Variants in PTPRQ observed in about 807,000 individuals in gnomAD.
PTPRQ encodes phosphatidylinositol phosphatase PTPRQ.
A neutral mutation model predicts 246.0 loss-of-function variants in PTPRQ; 199 were observed. The ratio of observed to expected loss-of-function variants is 0.81; its 90% CI spans 0.72 to 0.91. The LOEUF is 0.91. PTPRQ is among the 40% of genes least tolerant of loss of function. PTPRQ has a pLI of 0.00. For synonymous variants in PTPRQ, 869 were observed against 853.2 expected (o/e 1.02, Z -0.32); for missense variants, 2,624 against 2,528.4 (o/e 1.04, Z -0.81).
intron 39 of PTPRQ, among the ~76,000 whole-genome samples, chr12:80,667,399 A>T (rs1243909029): frequency 6.6e-6 from 1 of 151,942 alleles, no homozygotes; most frequent in Non-Finnish European, 1.5e-5. Context: ...TGAAGTATTT[A>T]TTTTTTCTGA....
chr12:80,595,066 TG>T (rs1897924352), intron 26 of PTPRQ, among the ~76,000 whole-genome samples: 1 of 152,326 alleles, frequency 6.6e-6, no homozygotes, highest in Admixed American at 6.5e-5. Flanking sequence ...CCAGAATCTT[TG>T]CTATTCTTTC....
intron 33 of PTPRQ, among the ~76,000 whole-genome samples, chr12:80,624,603 G>A (rs532124601): frequency 6.6e-6 from 1 of 152,174 alleles, no homozygotes. Context: ...TCAATGACTA[G>A]CAAAGCAGCC....
chr12:80,468,042 G>C (rs1244392043), intron 6 of PTPRQ, among the ~76,000 whole-genome samples: 1 of 148,208 alleles, frequency 6.7e-6, no homozygotes, highest in Non-Finnish European at 1.5e-5. Context: ...ATTTCATAAG[G>C]GTCATACAAG....
At chr12:80,451,150 T>G (rs1218189238) in intron 3 of PTPRQ, among the ~76,000 whole-genome samples, 2 of 152,194 alleles carry the variant, frequency 1.3e-5, no homozygotes, top group African/African-American at 4.8e-5. Context: ...TTCTAGATTT[T>G]CTAGTTTATT....
intron 25 of PTPRQ, among the ~76,000 whole-genome samples, chr12:80,571,741 A>G (rs1897151934): frequency 6.6e-6 from 1 of 152,112 alleles, no homozygotes; most frequent in Admixed American, 6.5e-5. Context: ...TACATTTATC[A>G]AAACATTTAA....
intron 29 of PTPRQ, among the ~76,000 whole-genome samples, chr12:80,615,217 A>C (rs552218044): frequency 2.6e-5 from 4 of 151,006 alleles, no homozygotes; most frequent in Non-Finnish European, 5.9e-5. Context: ...TTGAATTTAC[A>C]AACTCAAATA....
At chr12:80,499,021 G>T (rs113605256) in intron 14 of PTPRQ, among the ~76,000 whole-genome samples, 1 of 152,128 alleles carries the variant, frequency 6.6e-6, no homozygotes, top group African/African-American at 2.4e-5. Context: ...ATTTTGGAAA[G>T]TGTCTTAGAA....
chr12:80,673,550 G>A (rs1196504276), intron 43 of PTPRQ, among the ~76,000 whole-genome samples: 4 of 152,092 alleles, frequency 2.6e-5, no homozygotes, highest in East Asian at 1.9e-4. Flanking sequence ...ATACTGATAG[G>A]CATGTAGGCA....
intron 24 of PTPRQ, among the ~76,000 whole-genome samples, 176 bp from the exon 25 acceptor site, chr12:80,549,289 C>A (rs1896397913): frequency 6.6e-6 from 1 of 152,064 alleles, no homozygotes; most frequent in East Asian, 1.9e-4. Flanking sequence ...AAAAGCAAGT[C>A]AACAGCCTTT....
At chr12:80,582,866 A>T (rs1020346346) in intron 25 of PTPRQ, among the ~76,000 whole-genome samples, 3 of 151,648 alleles carry the variant, frequency 2.0e-5, no homozygotes, top group Non-Finnish European at 4.4e-5. Context: ...ACAAAACAAA[A>T]ACAAAAACAA....
chr12:80,597,116 A>G (rs1487641901), intron 26 of PTPRQ, among the ~76,000 whole-genome samples: 1 of 151,964 alleles, frequency 6.6e-6, no homozygotes, highest in Non-Finnish European at 1.5e-5. Context: ...ATCTCCCAAA[A>G]CAAATTGAGT....
chr12:80,586,965 T>A (rs1278306699), intron 25 of PTPRQ, among the ~76,000 whole-genome samples: 2 of 152,214 alleles, frequency 1.3e-5, no homozygotes, highest in East Asian at 3.9e-4. Context: ...ATAAGGAATT[T>A]GAACGTCTTC....
intron 38 of PTPRQ, among the ~76,000 whole-genome samples, chr12:80,653,562 TG>T (rs1173155106): frequency 6.6e-5 from 10 of 152,212 alleles, no homozygotes; most frequent in Admixed American, 1.3e-4. Flanking sequence ...AGTTTTGAAA[TG>T]TTCCCAATTT....
Position 80,613,855 on chromosome 12 carries a change from A to G in PTPRQ, c.5163+19A>G. ...TATCAGTGTAAGAATCCGTAGCTTC[A>G]GTTAATTACCCAAATGACAATGTCA... On this transcript the variant is annotated intron_variant, in intron 29 of 44. Transcript: ENST00000644991. 1 of 1,476,396 alleles carries G rather than the reference A, an allele frequency of 6.8e-7. No individual in the cohort carries two copies. Among genetic ancestry groups the G allele is most frequent in the Non-Finnish European group, 9.0e-7 (1 of 1,111,196 alleles). The allele number at this position is 1,476,396 out of a possible 1,614,324, so 91.5% of individuals were successfully genotyped here.
intron 5 of PTPRQ, among the ~76,000 whole-genome samples, 172 bp downstream of exon 5, chr12:80,459,655 A>T (rs10862124): frequency 0.54 from 82,633 of 152,068 alleles, 25,427 homozygotes; most frequent in African/African-American, 0.86. Flanking sequence ...GGTATCATGT[A>T]ACACAATTGG....
At chr12:80,652,235 T>G (rs1312227904) in intron 37 of PTPRQ, among the ~76,000 whole-genome samples, 3 of 152,146 alleles carry the variant, frequency 2.0e-5, no homozygotes. Context: ...AATTCTTAAT[T>G]GCACCTTTGC....
chr12:80,594,491 T>C (rs1008646039), intron 26 of PTPRQ, among the ~76,000 whole-genome samples: 2 of 152,172 alleles, frequency 1.3e-5, no homozygotes, highest in African/African-American at 4.8e-5. Flanking sequence ...GACTCCCTAA[T>C]GGGTAATTCA....
chr12:80,652,924 T>TAAAA, intron 38 of PTPRQ, 90 bp downstream of exon 38: 1 of 1,274,194 alleles, frequency 7.8e-7, no homozygotes, highest in Non-Finnish European at 1.0e-6. Flanking sequence ...ATATTTTATT[T>TAAAA]TATATTGTTT....
chr12:80,493,423 G>T lies in PTPRQ; in HGVS notation c.1508G>T (p.Arg503Met). The T allele has an allele frequency of 1.3e-6, 2 of 1,549,462 alleles. No homozygotes were observed. Among genetic ancestry groups the T allele is most frequent in the Non-Finnish European group, 1.7e-6 (2 of 1,145,658 alleles). Residue 503 changes from arginine to methionine, a missense_variant, in exon 10 of 45, where the codon AGG becomes ATG. Coordinates refer to ENST00000644991, the MANE Select transcript of PTPRQ (RefSeq NM_001145026.2). ...CATCCAGATAAAAACTTTCCTGCAA[G>T]GAATAGAGCTGAAGACCAGACTTCA... ...NSHPDKNFPA[R>M]NRAEDQTSPV...
Sources: allele counts gnomAD v4.1 joint callset (sites outside exome capture counted in the v4.1 genomes callset), GRCh38; gene constraint gnomAD v4.1.1; transcripts MANE v1.5; gene names NCBI Gene and HGNC (gene_info 2026-07-23, HGNC 2026-07-21).